The following SEMA4B variants were observed in gnomAD, a reference collection of about 807,000 sequenced individuals.
SEMA4B encodes the protein semaphorin-4B.
Under a neutral mutation model 88.1 loss-of-function variants are expected in SEMA4B, and 55 were observed. That is an observed-to-expected ratio of 0.62 (90% CI 0.50 to 0.78). SEMA4B has a LOEUF of 0.78. Ranked by LOEUF, SEMA4B falls within the 30% of genes least tolerant of loss-of-function variation. The pLI is 0.00. For missense variants in SEMA4B, 1,062 were observed against 1,111.9 expected (o/e 0.96, Z 0.64); for synonymous variants, 525 against 473.6 (o/e 1.11, Z -1.41).
chr15:90,223,512 A>G (rs781736128), intron 7 of SEMA4B, 47 bp from the exon 8 acceptor site: 1 of 1,497,898 alleles, frequency 6.7e-7, no homozygotes, highest in Non-Finnish European at 8.9e-7. Flanking sequence ...CATCCCCGTC[A>G]TGGCTCAGCA....
chr15:90,229,407 T>C lies in SEMA4B; in HGVS notation c.*764T>C, dbSNP rs1179893055. 2 of 456,558 alleles carry C rather than the reference T, an allele frequency of 4.4e-6. No homozygotes were observed. The highest frequency in any genetic ancestry group is 6.9e-5 in the East Asian group (1 of 14,390). 28.3% of individuals were successfully genotyped at this position (456,558 alleles called of 1,614,324 possible). On this transcript the variant is annotated 3_prime_UTR_variant, in exon 14 of 14. Coordinates refer to ENST00000411539, the MANE Select transcript of SEMA4B (RefSeq NM_198925.4). ...GACTGTCGCCTGCCTTCCTCCGTTG[T>C]TGCGTGAGAACCCGTGTGCCCCTTC...
At chr15:90,191,600 A>G (rs1175674646) in intron 1 of SEMA4B, among the ~76,000 whole-genome samples, 2 of 152,234 alleles carry the variant, frequency 1.3e-5, no homozygotes, top group Admixed American at 1.3e-4. Flanking sequence ...AGTCCACAAA[A>G]TATGGAAGGT....
At chr15:90,213,538 C>T (rs1324107683) in intron 1 of SEMA4B, among the ~76,000 whole-genome samples, 2 of 152,240 alleles carry the variant, frequency 1.3e-5, no homozygotes, top group Non-Finnish European at 2.9e-5. Context: ...ATAGGTTTCC[C>T]CTCCAGCCGG....
At chr15:90,187,637 A>C (rs558651113) in intron 1 of SEMA4B, among the ~76,000 whole-genome samples, 1 of 152,322 alleles carries the variant, frequency 6.6e-6, no homozygotes, top group East Asian at 1.9e-4. Flanking sequence ...GCCTGGGAGC[A>C]CTTCTAGAAC....
intron 1 of SEMA4B, among the ~76,000 whole-genome samples, chr15:90,192,847 C>G (rs1381933528): frequency 6.6e-6 from 1 of 152,174 alleles, no homozygotes; most frequent in Non-Finnish European, 1.5e-5. Flanking sequence ...CCTTGGCCTC[C>G]CAAAGTGCTG....
At chr15:90,198,674 G>A (rs1443267519), upstream of SEMA4B, among the ~76,000 whole-genome samples, 1 of 152,130 alleles carries the variant, frequency 6.6e-6, no homozygotes, top group Non-Finnish European at 1.5e-5. Context: ...CAGGTCAAAG[G>A]CCCTGCTGGT....
chr15:90,219,542 A>AC, intron 3 of SEMA4B: 1 of 488,344 alleles, frequency 2.0e-6, no homozygotes, highest in Non-Finnish European at 3.7e-6. Context: ...CTGTGCCCTC[A>AC]CCCCTAGGCC....
Position 90,225,836 on chromosome 15 carries a change from T to C in SEMA4B, c.1688+9T>C. On this transcript the variant is annotated intron_variant, in intron 12 of 13. Transcript: ENST00000411539. The stretch of plus-strand genomic sequence containing the variant: ...CCTCAGCTGGCCACCAGGTGAGCAC[T>C]CCCAAAGGCCCCTTCCCATCTGTCC... 2 of 1,509,268 alleles carry C rather than the reference T, an allele frequency of 1.3e-6. No homozygotes were observed. Among genetic ancestry groups the C allele is most frequent in the South Asian group, 1.3e-5 (1 of 76,928 alleles). The allele number at this position is 1,509,268 out of a possible 1,614,324, so 93.5% of individuals were successfully genotyped here.
Position 90,217,517 on chromosome 15 carries a change from G to A in SEMA4B, c.236G>A (p.Gly79Asp). The A allele has an allele frequency of 6.2e-7, 1 of 1,613,974 alleles. No homozygotes were observed. Among genetic ancestry groups the A allele is most frequent in the Non-Finnish European group, 8.5e-7 (1 of 1,179,880 alleles). ...NYTALLLSRD[G>D]RTLYVGAREA... Reference sequence around the variant, plus strand: ...ACAGCCCTTCTGCTGAGCAGGGATGGCAGGACCCTGTACGTGGGTGCTCGA... The same window carrying A: ...ACAGCCCTTCTGCTGAGCAGGGATGACAGGACCCTGTACGTGGGTGCTCGA... The change falls in exon 2 of 14, where the codon GGC (glycine) becomes GAC (aspartate). Residue 79 changes from glycine (G) to aspartate (D), a missense_variant. By Grantham distance (94) the Gly-to-Asp change is moderately conservative. Coordinates refer to ENST00000411539, the MANE Select transcript of SEMA4B (RefSeq NM_198925.4).
intron 1 of SEMA4B, among the ~76,000 whole-genome samples, chr15:90,207,619 C>T (rs899880568): frequency 2.6e-5 from 4 of 152,242 alleles, no homozygotes; most frequent in Non-Finnish European, 4.4e-5. Flanking sequence ...CCACAGTTCT[C>T]GATTCAGCAA....
At chr15:90,190,747 T>C (rs1960319746) in intron 1 of SEMA4B, among the ~76,000 whole-genome samples, 1 of 151,992 alleles carries the variant, frequency 6.6e-6, no homozygotes, top group Admixed American at 6.6e-5. Flanking sequence ...GTGTGTGTCT[T>C]GCTCTGTGTC....
intron 8 of SEMA4B, 22 bp from the exon 9 acceptor site, chr15:90,223,816 A>T: frequency 6.2e-7 from 1 of 1,612,370 alleles, no homozygotes; most frequent in Non-Finnish European, 8.5e-7. Flanking sequence ...CTCCTGGGTT[A>T]ATCTGGTTAT....
intron 1 of SEMA4B, among the ~76,000 whole-genome samples, chr15:90,195,938 C>CTTTTTTTTTTTGAGACGGAGT (rs10530160): frequency 7.8e-6 from 1 of 128,418 alleles, no homozygotes; most frequent in African/African-American, 2.9e-5. Context: ...TTTTTTTTTT[C>CTTTTTTTTTTTGAGACGGAGT]GAGACGGAGT....
intron 3 of SEMA4B, among the ~76,000 whole-genome samples, chr15:90,219,055 G>T (rs2151616438): frequency 6.6e-6 from 1 of 152,224 alleles, no homozygotes; most frequent in South Asian, 2.1e-4. Context: ...TACTAAGAGG[G>T]TCACTCTGGC....
At chr15:90,208,757 T>TC (rs1237892285) in intron 1 of SEMA4B, among the ~76,000 whole-genome samples, 2 of 151,478 alleles carry the variant, frequency 1.3e-5, no homozygotes, top group African/African-American at 4.9e-5. Flanking sequence ...TTTTTCTTTT[T>TC]TTTTTTTGAG....
chr15:90,188,541 T>C (rs1960244589), intron 1 of SEMA4B, among the ~76,000 whole-genome samples: 1 of 151,552 alleles, frequency 6.6e-6, no homozygotes, highest in African/African-American at 2.4e-5. Flanking sequence ...AGCAGGAGAG[T>C]TGCTGGAACC....
rs1347730764 is a variant in SEMA4B, at chr15:90,217,424, T to C, written c.158-15T>C. Reference sequence around the variant, plus strand: ...GAGGGGTGGCCCCAGGTAATACCCATCTTCCTCTCCCCAGGCTCTGAAGAG... The same window carrying C: ...GAGGGGTGGCCCCAGGTAATACCCACCTTCCTCTCCCCAGGCTCTGAAGAG... On this transcript the variant is annotated splice_polypyrimidine_tract_variant and intron_variant, in intron 1 of 13. Transcript: ENST00000411539. The C allele has an allele frequency of 6.2e-7, 1 of 1,609,424 alleles. No individual in the cohort carries two copies. The highest frequency in any genetic ancestry group is 2.2e-5 in the East Asian group (1 of 44,832).
intron 1 of SEMA4B, among the ~76,000 whole-genome samples, chr15:90,207,530 T>C (rs1371434087): frequency 6.6e-6 from 1 of 152,212 alleles, no homozygotes; most frequent in Non-Finnish European, 1.5e-5. Context: ...CTCATGCAGA[T>C]GAGGAAACCA....
chr15:90,200,030 TA>T (rs752051839), upstream of SEMA4B, among the ~76,000 whole-genome samples: 13 of 152,166 alleles, frequency 8.5e-5, no homozygotes, highest in Non-Finnish European at 1.6e-4. Context: ...GGAGCCCCTT[TA>T]AAAGGGATGC....
Sources: allele counts gnomAD v4.1 joint callset (sites outside exome capture counted in the v4.1 genomes callset), GRCh38; gene constraint gnomAD v4.1.1; transcripts MANE v1.5; gene names NCBI Gene and HGNC (gene_info 2026-07-23, HGNC 2026-07-21).